Variants in LRRC4C observed in about 807,000 individuals in gnomAD.
LRRC4C encodes the protein leucine-rich repeat-containing protein 4C.
LRRC4C carries 5 observed loss-of-function variants against 33.6 expected under a neutral mutation model. The observed-to-expected ratio is 0.15, with a 90% CI of 0.08 to 0.31. LRRC4C has a LOEUF of 0.31. LRRC4C is among the 10% of genes least tolerant of loss of function. LRRC4C has a pLI of 1.00. For synonymous variants in LRRC4C, 329 were observed against 302.0 expected (o/e 1.09, Z -0.93); for missense variants, 560 against 796.7 (o/e 0.70, Z 3.58).
chr11:40,126,853 G>A (rs1432840698), intron 6 of LRRC4C, among the ~76,000 whole-genome samples: 10 of 151,812 alleles, frequency 6.6e-5, no homozygotes, highest in African/African-American at 9.7e-5. Flanking sequence ...CCAGCTACTC[G>A]GGAGGCTGAG....
At chr11:41,128,245 G>A (rs751482538) in intron 1 of LRRC4C, among the ~76,000 whole-genome samples, 3 of 150,590 alleles carry the variant, frequency 2.0e-5, no homozygotes, top group African/African-American at 4.9e-5. Flanking sequence ...CATAATGGAA[G>A]TGGAGAATCT....
chr11:40,220,146 A>G (rs1183532347), intron 5 of LRRC4C, among the ~76,000 whole-genome samples: 1 of 152,210 alleles, frequency 6.6e-6, no homozygotes, highest in Non-Finnish European at 1.5e-5. Context: ...TGTTGCTTAT[A>G]ATTGTCCAAA....
rs73484723 is a variant in LRRC4C, at chr11:40,931,136, T to C, written c.-407+2499A>G. Among the ~76,000 whole-genome samples the C allele has an allele frequency of 8.9e-3, 1,355 of 152,262 alleles. 30 individuals are homozygous for C. The highest frequency in any genetic ancestry group is 0.031 in the African/African-American group (1,270 of 41,542). On this transcript the variant is annotated intron_variant, in intron 2 of 6. Coordinates refer to ENST00000528697, the MANE Select transcript of LRRC4C (RefSeq NM_001258419.2). ...ACTCAAGTTGATCTGCTGATCCATA[T>C]GAGTTAGTGGAAGAAAAGAATCAAA...
intron 3 of LRRC4C, among the ~76,000 whole-genome samples, chr11:40,637,203 TACC>T (rs1941805069): frequency 6.6e-6 from 1 of 152,202 alleles, no homozygotes; most frequent in Non-Finnish European, 1.5e-5. Context: ...TGGGCAACTC[TACC>T]ACACATCTGC....
chr11:40,219,691 T>C (rs1411093983), intron 5 of LRRC4C, among the ~76,000 whole-genome samples: 2 of 144,800 alleles, frequency 1.4e-5, no homozygotes, highest in African/African-American at 5.2e-5. Flanking sequence ...TATGCAGACA[T>C]AGAGAACAAA....
chr11:40,217,556 A>G (rs1864065096), intron 5 of LRRC4C, among the ~76,000 whole-genome samples: 3 of 152,136 alleles, frequency 2.0e-5, no homozygotes, highest in Admixed American at 2.0e-4. Context: ...TTACTCATGA[A>G]CTTGCCAATC....
At chr11:40,542,200 A>G (rs1956746742) in intron 3 of LRRC4C, among the ~76,000 whole-genome samples, 1 of 152,074 alleles carries the variant, frequency 6.6e-6, no homozygotes, top group Non-Finnish European at 1.5e-5. Flanking sequence ...TCTTGCATTT[A>G]TAAAACAGAA....
intron 1 of LRRC4C, among the ~76,000 whole-genome samples, chr11:40,941,944 C>T (rs1051646618): frequency 1.3e-5 from 2 of 152,046 alleles, no homozygotes; most frequent in African/African-American, 4.8e-5. Flanking sequence ...CATCAAGAAG[C>T]AGGCACTGAG....
intron 2 of LRRC4C, among the ~76,000 whole-genome samples, chr11:40,816,811 G>T (rs987771863): frequency 1.3e-5 from 2 of 151,870 alleles, no homozygotes; most frequent in Non-Finnish European, 2.9e-5. Flanking sequence ...TATTCTATAG[G>T]GTATTTTGAT....
chr11:40,730,421 A>T lies in LRRC4C; in HGVS notation c.-406-82143T>A, dbSNP rs1947505294. On this transcript the variant is annotated intron_variant, in intron 2 of 6. Transcript: ENST00000528697. ...ATCTTAATATATTCTTCAATAAGAT[A>T]GAAATGGGGAATATATTTCCATAGA... is the stretch of plus-strand genomic sequence containing the variant. 2.6e-5 allele frequency among the ~76,000 whole-genome samples: 4 copies of T among 152,360 alleles called. No individual in the cohort carries two copies. The South Asian group carries it at 8.3e-4, about 32-fold the overall frequency.
intron 3 of LRRC4C, among the ~76,000 whole-genome samples, chr11:40,621,754 T>A (rs755295194): frequency 6.6e-6 from 1 of 151,792 alleles, no homozygotes; most frequent in Non-Finnish European, 1.5e-5. Flanking sequence ...TGACTGGATA[T>A]AAAATAAGAA....
At chr11:41,054,208 G>C (rs1045017928) in intron 1 of LRRC4C, among the ~76,000 whole-genome samples, 1 of 152,126 alleles carries the variant, frequency 6.6e-6, no homozygotes, top group East Asian at 1.9e-4. Context: ...TCCTCACACT[G>C]ACTTTTAATT....
chr11:41,417,916 A>ATGTG (rs151022015), intron 1 of LRRC4C, among the ~76,000 whole-genome samples: 1 of 150,132 alleles, frequency 6.7e-6, no homozygotes, highest in Non-Finnish European at 1.5e-5. Context: ...TATATGGTGT[A>ATGTG]TGTGTGTGTG....
chr11:41,070,670 AACATC>A (rs945494262), intron 1 of LRRC4C, among the ~76,000 whole-genome samples: 20 of 152,318 alleles, frequency 1.3e-4, no homozygotes, highest in Non-Finnish European at 2.5e-4. Flanking sequence ...AAAAAAGCTC[AACATC>A]ACTGATCATT....
chr11:40,556,654 T>C (rs1048228585), intron 3 of LRRC4C, among the ~76,000 whole-genome samples: 2 of 152,158 alleles, frequency 1.3e-5, no homozygotes, highest in African/African-American at 4.8e-5. Context: ...TCTGGCTCTC[T>C]CTGGGGCTGT....
At chr11:40,201,149 G>C (rs902909671) in intron 5 of LRRC4C, among the ~76,000 whole-genome samples, 1 of 152,162 alleles carries the variant, frequency 6.6e-6, no homozygotes, top group African/African-American at 2.4e-5. Flanking sequence ...CTGCAGGCAC[G>C]CAAGGCAGAA....
At chr11:40,822,884 G>T (rs1272600155) in intron 2 of LRRC4C, among the ~76,000 whole-genome samples, 1 of 151,470 alleles carries the variant, frequency 6.6e-6, no homozygotes, top group East Asian at 1.9e-4. Flanking sequence ...AATTTTTCCT[G>T]TATATAGATC....
chr11:40,959,559 G>GT (rs1212619080), intron 1 of LRRC4C, among the ~76,000 whole-genome samples: 1 of 151,688 alleles, frequency 6.6e-6, no homozygotes, highest in Admixed American at 6.6e-5. Flanking sequence ...TTGTGGTTAA[G>GT]TACACATGTA....
At position 41,173,029 on chromosome 11, in the gene LRRC4C, A is replaced by G. The variant is rs201867918; in HGVS notation, c.-495-239306T>C. 5.9e-5 allele frequency among the ~76,000 whole-genome samples: 9 copies of G among 152,234 alleles called. No individual in the cohort carries two copies. In the East Asian group the frequency reaches 1.5e-3, roughly 26 times the overall value. On this transcript the variant is annotated intron_variant, in intron 1 of 6. Coordinates refer to ENST00000528697, the MANE Select transcript of LRRC4C (RefSeq NM_001258419.2). ...ACTAGATATTTGGAATCCATCACCA[A>G]TAGAGTTTCTAAAAAATTGTTGATA...
Sources: allele counts gnomAD v4.1 joint callset (sites outside exome capture counted in the v4.1 genomes callset), GRCh38; gene constraint gnomAD v4.1.1; transcripts MANE v1.5; gene names NCBI Gene and HGNC (gene_info 2026-07-23, HGNC 2026-07-21).